The following SAMD12 variants were observed in gnomAD, a reference collection of about 807,000 sequenced individuals.
SAMD12 encodes the protein sterile alpha motif domain-containing protein 12.
Under a neutral mutation model 15.0 loss-of-function variants are expected in SAMD12, and 9 were observed. The ratio of observed to expected loss-of-function variants is 0.60; its 90% CI spans 0.36 to 1.05. SAMD12 has a LOEUF of 1.05. Ranked by LOEUF, SAMD12 falls within the 50% of genes least tolerant of loss-of-function variation. The pLI, the probability that SAMD12 is intolerant of heterozygous loss-of-function variation, is 0.01. For synonymous variants in SAMD12, 86 were observed against 90.1 expected, an observed-to-expected ratio of 0.96 and a Z score of 0.25; for missense variants, 230 against 234.2, an observed-to-expected ratio of 0.98 and a Z score of 0.12.
At chr8:118,221,596 T>C (rs1036749137) in intron 4 of SAMD12, among the ~76,000 whole-genome samples, 9 of 152,138 alleles carry the variant, frequency 5.9e-5, no homozygotes, top group Non-Finnish European at 1.0e-4. Context: ...GATGGGGTTG[T>C]AGTGGCTTGC....
chr8:118,257,358 G>C (rs1348967559), intron 4 of SAMD12, among the ~76,000 whole-genome samples: 1 of 152,088 alleles, frequency 6.6e-6, no homozygotes, highest in Admixed American at 6.6e-5. Context: ...CTGAAATGCT[G>C]AGACGGCAGA....
At chr8:118,221,377 A>C (rs1255647943) in intron 4 of SAMD12, among the ~76,000 whole-genome samples, 1 of 152,194 alleles carries the variant, frequency 6.6e-6, no homozygotes, top group Non-Finnish European at 1.5e-5. Flanking sequence ...GGGTCATTTC[A>C]GCTCAGCCTG....
the SAMD12 span, among the ~76,000 whole-genome samples, chr8:118,179,709 A>G: frequency 5.9e-5 from 9 of 152,206 alleles, no homozygotes; most frequent in African/African-American, 2.2e-4. Flanking sequence ...CACTTAGGTC[A>G]TATTCTGATT....
At chr8:118,392,435 A>C (rs1820333123) in intron 3 of SAMD12, among the ~76,000 whole-genome samples, 1 of 152,218 alleles carries the variant, frequency 6.6e-6, no homozygotes, top group Non-Finnish European at 1.5e-5. Flanking sequence ...GTCTCAAGAC[A>C]AACAAACAAA....
intron 4 of SAMD12, among the ~76,000 whole-genome samples, chr8:118,339,533 T>C (rs1189973665): frequency 6.6e-6 from 1 of 152,218 alleles, no homozygotes; most frequent in Non-Finnish European, 1.5e-5. Flanking sequence ...CTGGTGTCTA[T>C]CCTAAATCTT....
chr8:118,570,898 G>A (rs559004318), intron 2 of SAMD12, among the ~76,000 whole-genome samples: 1 of 152,276 alleles, frequency 6.6e-6, no homozygotes, highest in Admixed American at 6.5e-5. Flanking sequence ...GTTTCAAAAA[G>A]AGGAGTTCCC....
chr8:118,549,364 G>A (rs922192797), intron 2 of SAMD12, among the ~76,000 whole-genome samples: 7 of 152,214 alleles, frequency 4.6e-5, no homozygotes, highest in Non-Finnish European at 7.3e-5. Flanking sequence ...AGCAGCATTC[G>A]TGGTTCACGA....
chr8:118,223,320 T>C, intron 4 of SAMD12, among the ~76,000 whole-genome samples: 1 of 152,186 alleles, frequency 6.6e-6, no homozygotes, highest in East Asian at 1.9e-4. Context: ...GGCCCACGGA[T>C]TCAATGCCTC....
intron 4 of SAMD12, among the ~76,000 whole-genome samples, chr8:118,305,820 T>C (rs941144874): frequency 1.4e-4 from 22 of 152,172 alleles, no homozygotes; most frequent in Admixed American, 1.2e-3. Context: ...TGACATTGCC[T>C]AGACTCCCTT....
chr8:118,320,820 AATATATATATAT>A (rs556901289), intron 4 of SAMD12, among the ~76,000 whole-genome samples: 10 of 123,048 alleles, frequency 8.1e-5, no homozygotes, highest in Admixed American at 6.9e-4. Context: ...GTATAATAAA[AATATATATATAT>A]ATATAAAAAT....
chr8:118,508,679 A>C (rs1242122448), intron 2 of SAMD12, among the ~76,000 whole-genome samples: 2 of 152,140 alleles, frequency 1.3e-5, no homozygotes, highest in East Asian at 1.9e-4. Context: ...TTCCATTATC[A>C]TCAAATATGG....
intron 4 of SAMD12, chr8:118,288,179 A>G (rs959720311): frequency 6.6e-6 from 1 of 152,176 alleles, no homozygotes; most frequent in East Asian, 1.9e-4. Context: ...TTTTGTAGAT[A>G]TTATCTTTAA....
At chr8:118,502,124 C>A (rs1016554598) in intron 2 of SAMD12, among the ~76,000 whole-genome samples, 1 of 151,908 alleles carries the variant, frequency 6.6e-6, no homozygotes, top group Non-Finnish European at 1.5e-5. Context: ...GGTGTACAGA[C>A]CTCACTTTCT....
At chr8:118,308,950 C>A (rs886149566) in intron 4 of SAMD12, among the ~76,000 whole-genome samples, 5 of 152,088 alleles carry the variant, frequency 3.3e-5, no homozygotes, top group Admixed American at 3.3e-4. Context: ...TTAGGTAATA[C>A]AAAGACTTCA....
intron 2 of SAMD12, among the ~76,000 whole-genome samples, chr8:118,552,730 G>T (rs1586813018): frequency 6.6e-6 from 1 of 152,306 alleles, no homozygotes; most frequent in Admixed American, 6.5e-5. Context: ...AGGAAAAGAG[G>T]AAGTCAAATT....
intron 3 of SAMD12, among the ~76,000 whole-genome samples, chr8:118,428,502 T>C (rs1228321108): frequency 1.3e-5 from 2 of 152,190 alleles, no homozygotes; most frequent in African/African-American, 2.4e-5. Context: ...CAGGGACATA[T>C]ATAATAATTC....
Position 118,366,830 on chromosome 8 carries a change from A to C in SAMD12, c.433+12730T>G, listed in dbSNP as rs1386011607. 5.1e-5 allele frequency among the ~76,000 whole-genome samples: 5 copies of C among 97,846 alleles called. No homozygotes were observed. The East Asian group carries it at 1.0e-3, about 21-fold the overall frequency. 64.2% of individuals were successfully genotyped at this position (97,846 alleles called of 152,430 possible). A position where few individuals can be genotyped will look rare whatever the true frequency, so the allele number is the denominator to read the frequency against. On this transcript the variant is annotated intron_variant, in intron 4 of 4. Coordinates refer to the SAMD12 transcript ENST00000409003. Reference sequence around the variant, plus strand: ...TCTGTCTCAAATAAAATAAAATAAAATAAAATAAAATAAAATAAAATAAAA... The same window carrying C: ...TCTGTCTCAAATAAAATAAAATAAACTAAAATAAAATAAAATAAAATAAAA...
intron 2 of SAMD12, among the ~76,000 whole-genome samples, chr8:118,492,360 A>G (rs1480256276): frequency 6.6e-6 from 1 of 152,164 alleles, no homozygotes; most frequent in African/African-American, 2.4e-5. Context: ...TATATGCTGA[A>G]TACAAGTTAT....
intron 3 of SAMD12, among the ~76,000 whole-genome samples, chr8:118,409,700 C>A (rs940543490): frequency 4.1e-5 from 6 of 147,182 alleles, no homozygotes; most frequent in Middle Eastern, 3.4e-3. Flanking sequence ...GGATGTACTA[C>A]TTACATGTAC....
Sources: allele counts gnomAD v4.1 joint callset (sites outside exome capture counted in the v4.1 genomes callset), GRCh38; gene constraint gnomAD v4.1.1; transcripts MANE v1.5; gene names NCBI Gene and HGNC (gene_info 2026-07-23, HGNC 2026-07-21).